ATF7IP: variants seen among roughly 807,000 people sequenced by gnomAD.
ATF7IP encodes the protein activating transcription factor 7 interacting protein.
In ATF7IP, 23 loss-of-function variants were observed where a neutral mutation model predicts 106.4. The observed-to-expected ratio is 0.22, with a 90% CI of 0.16 to 0.31. The LOEUF is 0.31. Ranked by LOEUF, ATF7IP falls within the 10% of genes least tolerant of loss-of-function variation. ATF7IP has a pLI of 1.00. For synonymous variants in ATF7IP, 542 were observed against 539.0 expected, an observed-to-expected ratio of 1.01 and a Z score of -0.08; for missense variants, 1,334 against 1,524.3, an observed-to-expected ratio of 0.88 and a Z score of 2.08.
In ATF7IP at chr12:14,500,784, AT is replaced by A. The variant is rs1945140055; in HGVS notation, c.*2712del. ...AATCAGATGAAGAAAGCCCAGTAGA[AT>A]AAAAAAAAAATTCATTAGCCTAGCC... On this transcript the variant is annotated 3_prime_UTR_variant, in exon 15 of 15. Transcript: ENST00000261168. The A allele has an allele frequency of 2.6e-5, 4 of 152,174 alleles. No homozygotes were observed. Among genetic ancestry groups the A allele is most frequent in the Admixed American group, 2.6e-4 (4 of 15,276 alleles). 9.4% of individuals were successfully genotyped at this position (152,174 alleles called of 1,614,324 possible). A position where few individuals can be genotyped will look rare whatever the true frequency, so the allele number is the denominator to read the frequency against.
At chr12:14,454,352 GGTGCTCTATCAA>G (rs1943341109) in intron 6 of ATF7IP, among the ~76,000 whole-genome samples, 2 of 152,070 alleles carry the variant, frequency 1.3e-5, no homozygotes, top group African/African-American at 4.8e-5. Flanking sequence ...CAATTTCTCT[GGTGCTCTATCAA>G]GTTGAGGGTC....
chr12:14,446,850 T>C, intron 5 of ATF7IP, 138 bp from the exon 6 acceptor site: 1 of 570,570 alleles, frequency 1.8e-6, no homozygotes, highest in Non-Finnish European at 2.9e-6. Context: ...ATAATCAACT[T>C]AATTTATTTT....
Position 14,478,422 on chromosome 12 carries a change from G to T in ATF7IP, c.3047G>T (p.Gly1016Val). Residue 1016 changes from glycine to valine, a missense_variant, in exon 12 of 15, where the codon GGG (glycine) becomes GTG (valine). By Grantham distance (109) the Gly-to-Val change is moderately radical. Around this residue, in one of 10 missense-constraint regions of ATF7IP, gnomAD observed 370 missense variants for 401.2 expected, o/e 0.92. Transcript: ENST00000261168. ...CCAGCACCGCCTCTTCAACCATCTG[G>T]GGTGCCAACAAGTGGACCATCTCAG... ...IQPAPPLQPS[G>V]VPTSGPSQTT... 1 of 1,613,992 alleles carries T rather than the reference G, an allele frequency of 6.2e-7. No homozygotes were observed.
intron 13 of ATF7IP, among the ~76,000 whole-genome samples, chr12:14,484,461 T>C (rs1944526458): frequency 6.6e-6 from 1 of 152,236 alleles, no homozygotes; most frequent in Non-Finnish European, 1.5e-5. Flanking sequence ...ATCATGCATC[T>C]GGCCATCTAC....
chr12:14,470,511 CTGTT>C (rs909794230), intron 10 of ATF7IP, among the ~76,000 whole-genome samples: 35 of 152,258 alleles, frequency 2.3e-4, no homozygotes, highest in African/African-American at 7.7e-4. Flanking sequence ...ATACATGTCT[CTGTT>C]TGTTCATTTC....
At chr12:14,372,485 G>A (rs1938572123) in intron 1 of ATF7IP, among the ~76,000 whole-genome samples, 1 of 151,764 alleles carries the variant, frequency 6.6e-6, no homozygotes, top group East Asian at 1.9e-4. Context: ...AATACCATAG[G>A]CCTAAGGGAA....
At chr12:14,483,395 C>T (rs1279571935) in intron 13 of ATF7IP, among the ~76,000 whole-genome samples, 2 of 152,130 alleles carry the variant, frequency 1.3e-5, no homozygotes, top group Non-Finnish European at 2.9e-5. Context: ...GGGACAGTCA[C>T]CACAACCAAC....
chr12:14,446,559 G>GTGA (rs1942969001), intron 5 of ATF7IP, among the ~76,000 whole-genome samples: 1 of 152,184 alleles, frequency 6.6e-6, no homozygotes, highest in African/African-American at 2.4e-5. Context: ...TCACAGTAAA[G>GTGA]CCTATACATC....
At chr12:14,376,691 G>C (rs1258039173) in intron 1 of ATF7IP, among the ~76,000 whole-genome samples, 2 of 152,106 alleles carry the variant, frequency 1.3e-5, no homozygotes, top group Admixed American at 1.3e-4. Context: ...CAGTATTCCT[G>C]GTTTTTTGGG....
intron 1 of ATF7IP, chr12:14,416,978 G>A (rs943572755): frequency 7.1e-6 from 7 of 982,508 alleles, no homozygotes; most frequent in Non-Finnish European, 8.5e-6. Context: ...AGGTTCATCT[G>A]TAAGGAAGGG....
At chr12:14,423,574 C>CTTTTTTTTTTTTTTTTTTTTTTTTAT (rs1941655117) in intron 1 of ATF7IP, among the ~76,000 whole-genome samples, 1 of 34,428 alleles carries the variant, frequency 2.9e-5, no homozygotes, top group Non-Finnish European at 5.3e-5. Flanking sequence ...TCTTCAGGTA[C>CTTTTTTTTTTTTTTTTTTTTTTTTAT]TTTTTTTTTT....
chr12:14,478,436 G>A lies in ATF7IP; in HGVS notation c.3061G>A (p.Gly1021Arg), dbSNP rs1944327799. 6.2e-7 allele frequency: 1 copy of A among 1,613,858 alleles called. No homozygotes were observed. The highest frequency in any genetic ancestry group is 8.5e-7 in the Non-Finnish European group (1 of 1,179,928). The change falls in exon 12 of 15, where the codon GGA becomes AGA. Residue 1021 changes from glycine to arginine, a missense_variant. Gly to Arg is a moderately radical substitution (Grantham distance 125). Transcript: ENST00000261168. The stretch of plus-strand genomic sequence containing the variant: ...TCAACCATCTGGGGTGCCAACAAGT[G>A]GACCATCTCAGACCACCATACACTT... ...PLQPSGVPTS[G>R]PSQTTIHLLP...
chr12:14,443,752 A>G (rs905415882), intron 5 of ATF7IP, among the ~76,000 whole-genome samples: 30 of 152,310 alleles, frequency 2.0e-4, no homozygotes, highest in Admixed American at 6.5e-4. Flanking sequence ...AGAAATGAGT[A>G]ACAATTGGTA....
At chr12:14,377,877 C>CT (rs1171951959) in intron 1 of ATF7IP, among the ~76,000 whole-genome samples, 1 of 151,958 alleles carries the variant, frequency 6.6e-6, no homozygotes, top group African/African-American at 2.4e-5. Flanking sequence ...ATCCACCTGC[C>CT]TCAGCCTCCC....
At position 14,468,801 on chromosome 12, in the gene ATF7IP, A is replaced by G. The variant is rs142520307; in HGVS notation, c.2862+2211A>G. Among the ~76,000 whole-genome samples the G allele has an allele frequency of 1.3e-3, 202 of 152,332 alleles. 1 individual carries two copies. The highest frequency in any genetic ancestry group is 3.5e-3 in the African/African-American group (146 of 41,592). On this transcript the variant is annotated intron_variant, in intron 10 of 14. Coordinates refer to ENST00000261168, the MANE Select transcript of ATF7IP (RefSeq NM_018179.5). ...TGGAAGTATATATGTGCTTTCAGTT[A>G]TGAAGTTATGCTTGTCAGCCAGAAT...
At chr12:14,383,448 A>T (rs545181617) in intron 1 of ATF7IP, among the ~76,000 whole-genome samples, 1 of 152,262 alleles carries the variant, frequency 6.6e-6, no homozygotes, top group East Asian at 1.9e-4. Context: ...TATTTTGGCT[A>T]TGTGTACCAT....
chr12:14,466,633 G>T, intron 10 of ATF7IP, 43 bp downstream of exon 10: 1 of 1,414,846 alleles, frequency 7.1e-7, no homozygotes, highest in Non-Finnish European at 9.7e-7. Flanking sequence ...CCTAATTATG[G>T]TCCACAGGAA....
intron 4 of ATF7IP, among the ~76,000 whole-genome samples, chr12:14,437,055 G>A (rs7962329): frequency 0.52 from 79,474 of 151,916 alleles, 21,387 homozygotes; most frequent in African/African-American, 0.65. Context: ...GAGACAGGGT[G>A]TTAAAAGGAC....
In ATF7IP at chr12:14,500,076, T is replaced by C. The variant is rs1243798860; in HGVS notation, c.*2003T>C. The C allele has an allele frequency of 9.2e-5, 14 of 152,174 alleles. No individual in the cohort carries two copies. Among genetic ancestry groups the C allele is most frequent in the Admixed American group, 9.2e-4 (14 of 15,280 alleles). 9.4% of individuals were successfully genotyped at this position (152,174 alleles called of 1,614,324 possible). A position where few individuals can be genotyped will look rare whatever the true frequency, so the allele number is the denominator to read the frequency against. Reference sequence around the variant, plus strand: ...ATATTTTGAAAGGAATTTATGGAGTTTGTGAAATAACTTCGAAGTCCTCTT... The same window carrying C: ...ATATTTTGAAAGGAATTTATGGAGTCTGTGAAATAACTTCGAAGTCCTCTT... On this transcript the variant is annotated 3_prime_UTR_variant, in exon 15 of 15. Transcript: ENST00000261168.
Sources: gnomAD v4.1 joint callset for allele counts (sites outside exome capture counted in the v4.1 genomes callset) on GRCh38, gnomAD v4.1.1 for gene constraint, gnomAD v4.1.1 regional missense constraint, MANE v1.5 for transcripts, NCBI Gene and HGNC (gene_info 2026-07-23, HGNC 2026-07-21) for gene names.